Variants in SH3GL1 observed in about 807,000 individuals in gnomAD.
The protein encoded by SH3GL1 is endophilin-A2.
SH3GL1 carries 21 observed loss-of-function variants against 48.8 expected under a neutral mutation model. The ratio of observed to expected loss-of-function variants is 0.43; its 90% CI spans 0.30 to 0.62. The LOEUF is 0.62. Among genes scored for constraint, SH3GL1 ranks in the 20% least tolerant of loss-of-function variants. SH3GL1 has a pLI of 0.11. For missense variants in SH3GL1, 454 were observed against 503.0 expected, an observed-to-expected ratio of 0.90 and a Z score of 0.93; for synonymous variants, 282 against 217.5, an observed-to-expected ratio of 1.30 and a Z score of -2.61.
chr19:4,394,756 G>C (rs554585826), intron 1 of SH3GL1, among the ~76,000 whole-genome samples: 1 of 152,150 alleles, frequency 6.6e-6, no homozygotes. Context: ...AAAGGACACC[G>C]TAAGAACCCT....
intron 1 of SH3GL1, among the ~76,000 whole-genome samples, chr19:4,381,219 CCT>C (rs1183669102): frequency 7.7e-6 from 1 of 130,266 alleles, no homozygotes; most frequent in Non-Finnish European, 1.6e-5. Flanking sequence ...GTCCCCTCTG[CCT>C]CTGTCTCCCA....
chr19:4,376,951 G>A lies in SH3GL1; in HGVS notation c.46-9957C>T, dbSNP rs536425871. ...CACCCCTTGACAGCAGCTAAGCTCC[G>A]GGGGCAGCAACTCCCCGCAGTGACC... On this transcript the variant is annotated intron_variant, in intron 1 of 9. Transcript: ENST00000269886. The surrounding 1 kb of genome is among the most constrained non-coding windows in gnomAD (Gnocchi z 4.3). 1.4e-4 allele frequency among the ~76,000 whole-genome samples: 22 copies of A among 152,288 alleles called. No individual in the cohort carries two copies. The South Asian group carries it at 3.9e-3, about 27-fold the overall frequency.
In SH3GL1 at chr19:4,361,009, C is replaced by T. The variant is rs565063892; in HGVS notation, c.*591G>A. The stretch of plus-strand genomic sequence containing the variant: ...CCGGGCTGCAAGCTGACAGCAGGCC[C>T]GGGAGGCGGTGAGGCCCTCTGCCCT... On this transcript the variant is annotated 3_prime_UTR_variant, in exon 10 of 10. Transcript: ENST00000269886. 6 of 234,008 alleles carry T rather than the reference C, an allele frequency of 2.6e-5. No homozygotes were observed. The highest frequency in any genetic ancestry group is 8.8e-5 in the African/African-American group (4 of 45,318). The allele number at this position is 234,008 out of a possible 1,614,324, so 14.5% of individuals were successfully genotyped here. A position where few individuals can be genotyped will look rare whatever the true frequency, so the allele number is the denominator to read the frequency against.
At chr19:4,363,329 T>G in intron 7 of SH3GL1, 41 bp downstream of exon 7, 1 of 1,475,180 alleles carries the variant, frequency 6.8e-7, no homozygotes, top group Non-Finnish European at 9.3e-7. Flanking sequence ...AGAGGGCGCA[T>G]GGCAGCCCAG....
Position 4,362,221 on chromosome 19 carries a change from G to A in SH3GL1, c.910+108C>T, listed in dbSNP as rs541052544. 681 of 1,149,394 alleles carry A rather than the reference G, an allele frequency of 5.9e-4. 5 individuals are homozygous for A. In the African/African-American group the frequency reaches 8.8e-3, roughly 15 times the overall value. The allele number at this position is 1,149,394 out of a possible 1,614,324, so 71.2% of individuals were successfully genotyped here. On this transcript the variant is annotated intron_variant, in intron 9 of 9. Transcript: ENST00000269886. Reference sequence around the variant, plus strand: ...GTGCCCCCTACTGCTGCACGAGCCTGGCCCCTCCCTGCTTGAGATGGGCAG... The same window carrying A: ...GTGCCCCCTACTGCTGCACGAGCCTAGCCCCTCCCTGCTTGAGATGGGCAG...
At chr19:4,365,361 A>G (rs539683615) in intron 4 of SH3GL1, 121 bp downstream of exon 4, 212 of 1,345,942 alleles carry the variant, frequency 1.6e-4, no homozygotes, top group Non-Finnish European at 1.9e-4. Context: ...GCAGCTGGAA[A>G]GCTGTGGGGG....
intron 1 of SH3GL1, among the ~76,000 whole-genome samples, chr19:4,368,630 G>A (rs1322734103): frequency 4.6e-5 from 7 of 152,264 alleles, no homozygotes; most frequent in East Asian, 3.9e-4. Flanking sequence ...CCCACGCATC[G>A]GGACCCTTTC....
rs2144850048 is a variant in SH3GL1 at position 4,360,784 on chromosome 19, CGT to C, written c.*814_*815del. The C allele has an allele frequency of 4.3e-6, 1 of 233,700 alleles. No homozygotes were observed. Among genetic ancestry groups the C allele is most frequent in the East Asian group, 6.0e-5 (1 of 16,582 alleles). The allele number at this position is 233,700 out of a possible 1,614,324, so 14.5% of individuals were successfully genotyped here. ...GCCCTCGGCAGCGCGGCTGTGGTCC[CGT>C]GTGAGGTGTGCTGGGGTGGGTGTGG... On this transcript the variant is annotated 3_prime_UTR_variant, in exon 10 of 10. Coordinates refer to ENST00000269886, the MANE Select transcript of SH3GL1 (RefSeq NM_003025.4).
At chr19:4,386,488 T>A (rs1339862546) in intron 1 of SH3GL1, among the ~76,000 whole-genome samples, 12 of 149,080 alleles carry the variant, frequency 8.0e-5, no homozygotes, top group East Asian at 2.0e-4. Flanking sequence ...TTTTTTTTTT[T>A]ATTTCTTTTT....
At chr19:4,373,654 G>C (rs1972947310) in intron 1 of SH3GL1, among the ~76,000 whole-genome samples, 2 of 152,180 alleles carry the variant, frequency 1.3e-5, no homozygotes, top group South Asian at 4.1e-4. Context: ...GAAGCCCCAG[G>C]CGTCCTCTCA....
chr19:4,392,516 C>T (rs1973354523), intron 1 of SH3GL1, among the ~76,000 whole-genome samples: 2 of 120,204 alleles, frequency 1.7e-5, no homozygotes, highest in East Asian at 3.0e-4. Context: ...AGCAAGACTC[C>T]GTCACACACA....
chr19:4,365,226 T>TG (rs1226885910), intron 4 of SH3GL1, among the ~76,000 whole-genome samples: 2 of 152,102 alleles, frequency 1.3e-5, no homozygotes, highest in Non-Finnish European at 2.9e-5. Context: ...GGACAGATGC[T>TG]GGGGGGTCCA....
chr19:4,367,959 C>T lies in SH3GL1; in HGVS notation c.46-965G>A, dbSNP rs909715240. ...TGAAGAGCCGAGTGGCTGCCAGGCC[C>T]TGCCACAAATGGAGGCTCCCAGAGG... is the stretch of plus-strand genomic sequence containing the variant. On this transcript the variant is annotated intron_variant, in intron 1 of 9. Coordinates refer to ENST00000269886, the MANE Select transcript of SH3GL1 (RefSeq NM_003025.4). This position sits in a 1 kb window ranked among gnomAD's most constrained non-coding sequence, Gnocchi z 4.2. Among the ~76,000 whole-genome samples the T allele has an allele frequency of 6.6e-6, 1 of 152,196 alleles. No homozygotes were observed. The highest frequency in any genetic ancestry group is 1.9e-4 in the East Asian group (1 of 5,184).
At chr19:4,365,381 G>A (rs1323668227) in intron 4 of SH3GL1, 101 bp downstream of exon 4, 60 of 1,495,562 alleles carry the variant, frequency 4.0e-5, no homozygotes, top group South Asian at 1.2e-4. Flanking sequence ...GCCACTGTAC[G>A]TCCCCGGCAC....
In SH3GL1 at chr19:4,363,703, C is replaced by T. The variant is rs79935609; in HGVS notation, c.624+17G>A. ...GGGCATAGGTCTTCTCAGGATGTGA[C>T]ACCCCGAGCTACTCACGTCAGTCTC... On this transcript the variant is annotated intron_variant, in intron 6 of 9. Coordinates refer to ENST00000269886, the MANE Select transcript of SH3GL1 (RefSeq NM_003025.4). 2,647 of 1,612,462 alleles carry T rather than the reference C, an allele frequency of 1.6e-3. 30 individuals are homozygous for T. The African/African-American group carries it at 0.031, about 19-fold the overall frequency.
intron 1 of SH3GL1, among the ~76,000 whole-genome samples, chr19:4,375,671 A>T (rs910788577): frequency 6.6e-6 from 1 of 152,232 alleles, no homozygotes; most frequent in African/African-American, 2.4e-5. Context: ...CATGAAAATC[A>T]GCCTCATGCA....
At chr19:4,379,232 TCA>T (rs1200375247) in intron 1 of SH3GL1, among the ~76,000 whole-genome samples, 1 of 151,638 alleles carries the variant, frequency 6.6e-6, no homozygotes, top group East Asian at 1.9e-4. Flanking sequence ...AGGAAGCAGA[TCA>T]CCTGAGATTG....
At chr19:4,369,909 G>A (rs887859841) in intron 1 of SH3GL1, among the ~76,000 whole-genome samples, 2 of 152,256 alleles carry the variant, frequency 1.3e-5, no homozygotes, top group African/African-American at 4.8e-5. Flanking sequence ...TGGACACAGG[G>A]ATGAGCAGCC....
intron 1 of SH3GL1, among the ~76,000 whole-genome samples, chr19:4,383,841 C>T (rs779779982): frequency 1.3e-5 from 2 of 151,904 alleles, no homozygotes; most frequent in African/African-American, 4.8e-5. Flanking sequence ...GAACACAATG[C>T]GAGAGCCGGG....
Sources: gnomAD v4.1 joint callset for allele counts (sites outside exome capture counted in the v4.1 genomes callset) on GRCh38, gnomAD v4.1.1 for gene constraint, Gnocchi (gnomAD v3.1) non-coding constraint, MANE v1.5 for transcripts, NCBI Gene and HGNC (gene_info 2026-07-23, HGNC 2026-07-21) for gene names.